The following PCCA variants were observed in gnomAD, a reference collection of about 807,000 sequenced individuals.
The protein encoded by PCCA is propionyl-CoA carboxylase subunit alpha.
Under a neutral mutation model 101.3 loss-of-function variants are expected in PCCA, and 74 were observed. The observed-to-expected ratio is 0.73, with a 90% CI of 0.61 to 0.89. The LOEUF (loss-of-function observed/expected upper bound fraction) is 0.89, where lower values mean the gene tolerates loss of function less well. Ranked by LOEUF, PCCA falls within the 40% of genes least tolerant of loss-of-function variation. The pLI is 0.00. For missense variants in PCCA, 891 were observed against 907.0 expected, an observed-to-expected ratio of 0.98 and a Z score of 0.23; for synonymous variants, 294 against 313.6, an observed-to-expected ratio of 0.94 and a Z score of 0.66.
chr13:100,524,612 C>A (rs918354931), intron 22 of PCCA, among the ~76,000 whole-genome samples: 1 of 152,184 alleles, frequency 6.6e-6, no homozygotes, highest in Non-Finnish European at 1.5e-5. Context: ...TGGCACACAT[C>A]TGTAACCCCA....
chr13:100,329,594 A>G (rs1325040276), intron 16 of PCCA, among the ~76,000 whole-genome samples: 1 of 152,216 alleles, frequency 6.6e-6, no homozygotes, highest in Admixed American at 6.5e-5. Context: ...TGGGTGCCTC[A>G]TGAGCTGACT....
chr13:100,277,721 G>T (rs1381662278), intron 12 of PCCA, among the ~76,000 whole-genome samples: 1 of 152,156 alleles, frequency 6.6e-6, no homozygotes, highest in African/African-American at 2.4e-5. Flanking sequence ...AGCTGTAAGG[G>T]AGTCTGGGAA....
At position 100,268,237 on chromosome 13, in the gene PCCA, T is replaced by C. The variant is rs536656837; in HGVS notation, c.820-452T>C. Among the ~76,000 whole-genome samples, 6 of 152,294 alleles carry C rather than the reference T, an allele frequency of 3.9e-5. No homozygotes were observed. The South Asian group carries it at 1.2e-3, about 32-fold the overall frequency. ...AAACCACAGTACAGACATCCATAGA[T>C]AGATAACAGATTACATATTGGGTGG... is the stretch of plus-strand genomic sequence containing the variant. On this transcript the variant is annotated intron_variant, in intron 10 of 23. Transcript: ENST00000376285.
At chr13:100,346,920 C>T (rs1289559055) in intron 18 of PCCA, among the ~76,000 whole-genome samples, 2 of 151,996 alleles carry the variant, frequency 1.3e-5, no homozygotes, top group Non-Finnish European at 2.9e-5. Context: ...GTCGCCCAGG[C>T]TGGAGGGCAG....
intron 7 of PCCA, among the ~76,000 whole-genome samples, chr13:100,213,676 T>C (rs991058623): frequency 6.6e-5 from 10 of 152,178 alleles, no homozygotes; most frequent in Admixed American, 2.0e-4. Context: ...TTGCTCCCAT[T>C]CCATGAGTTG....
chr13:100,089,574 TCC>T (rs2046089312), intron 1 of PCCA, among the ~76,000 whole-genome samples: 2 of 152,256 alleles, frequency 1.3e-5, no homozygotes, highest in Non-Finnish European at 2.9e-5. Flanking sequence ...TCTTAAGCTT[TCC>T]AGGGTGTCTT....
intron 8 of PCCA, among the ~76,000 whole-genome samples, chr13:100,245,723 T>C (rs938774596): frequency 2.0e-5 from 3 of 152,198 alleles, no homozygotes; most frequent in African/African-American, 7.2e-5. Flanking sequence ...GTCACCACCA[T>C]CTCCTAAATA....
intron 7 of PCCA, among the ~76,000 whole-genome samples, chr13:100,213,391 C>T (rs563356443): frequency 6.6e-6 from 1 of 152,274 alleles, no homozygotes; most frequent in African/African-American, 2.4e-5. Context: ...TATATCCTCG[C>T]CAGCATTTGT....
At chr13:100,430,612 T>G (rs2079481428) in intron 20 of PCCA, among the ~76,000 whole-genome samples, 1 of 152,222 alleles carries the variant, frequency 6.6e-6, no homozygotes, top group South Asian at 2.1e-4. Context: ...TACCACCAAT[T>G]ACTTATTCTC....
At chr13:100,188,452 C>T (rs1350457046) in intron 6 of PCCA, among the ~76,000 whole-genome samples, 5 of 151,696 alleles carry the variant, frequency 3.3e-5, no homozygotes, top group East Asian at 3.9e-4. Context: ...TTTATCTACT[C>T]GTCAATTGAT....
rs544510044 is a variant in PCCA, at chr13:100,517,319, G to C, written c.2040+1752G>C. On this transcript the variant is annotated intron_variant, in intron 22 of 23. Transcript: ENST00000376285. ...CAGCCTTCTGGTTTCTTTAACAGCTGCTGGCTCCTGATCTGACTTTCCCAC... is the reference window on the plus strand; with the variant it reads ...CAGCCTTCTGGTTTCTTTAACAGCTCCTGGCTCCTGATCTGACTTTCCCAC... Among the ~76,000 whole-genome samples the C allele has an allele frequency of 4.6e-5, 7 of 152,286 alleles. No homozygotes were observed. In the East Asian group the frequency reaches 1.4e-3, roughly 29 times the overall value.
intron 2 of PCCA, among the ~76,000 whole-genome samples, chr13:100,108,768 A>C (rs577203402): frequency 6.6e-6 from 1 of 152,336 alleles, no homozygotes; most frequent in East Asian, 1.9e-4. Flanking sequence ...ATTTGTATGC[A>C]TATTCTTTTA....
In PCCA at chr13:100,266,414, A is replaced by G. The variant is rs141916804; in HGVS notation, c.820-2275A>G. On this transcript the variant is annotated intron_variant, in intron 10 of 23. Transcript: ENST00000376285. ...TAAGTGAAAATGCCTCCCAGTTAAT[A>G]GGCCACACAGATGTTCTCATATCTC... 5.3e-5 allele frequency among the ~76,000 whole-genome samples: 8 copies of G among 152,324 alleles called. 1 individual carries two copies. Among genetic ancestry groups the G allele is most frequent in the African/African-American group, 1.7e-4 (7 of 41,568 alleles).
intron 4 of PCCA, chr13:100,149,632 C>A (rs2053049881): frequency 6.6e-6 from 1 of 152,198 alleles, no homozygotes; most frequent in African/African-American, 2.4e-5. Flanking sequence ...CGTATTACAT[C>A]ATCCTTGGAG....
At chr13:100,515,096 A>G (rs938502289) in intron 21 of PCCA, among the ~76,000 whole-genome samples, 1 of 152,092 alleles carries the variant, frequency 6.6e-6, no homozygotes, top group African/African-American at 2.4e-5. Context: ...CTTGATAGGG[A>G]TAAGTTTGTA....
At chr13:100,504,677 C>T in intron 21 of PCCA, among the ~76,000 whole-genome samples, 1 of 152,190 alleles carries the variant, frequency 6.6e-6, no homozygotes. Flanking sequence ...TGGCTCACAC[C>T]TGTAATCCCA....
intron 19 of PCCA, among the ~76,000 whole-genome samples, chr13:100,395,418 A>G (rs975413734): frequency 6.6e-6 from 1 of 152,260 alleles, no homozygotes; most frequent in Admixed American, 6.5e-5. Flanking sequence ...GAGATTAAAA[A>G]TAATCAACAA....
intron 6 of PCCA, among the ~76,000 whole-genome samples, chr13:100,178,409 A>G (rs2056438351): frequency 6.6e-6 from 1 of 152,216 alleles, no homozygotes; most frequent in Non-Finnish European, 1.5e-5. Flanking sequence ...TTGATGCCTG[A>G]TAACTTCAGG....
chr13:100,252,930 C>G (rs914963511), intron 8 of PCCA, among the ~76,000 whole-genome samples: 2 of 152,194 alleles, frequency 1.3e-5, no homozygotes, highest in African/African-American at 4.8e-5. Context: ...AGGTACTTCC[C>G]TTTCCTGTAT....
Sources: allele counts gnomAD v4.1 joint callset (sites outside exome capture counted in the v4.1 genomes callset), GRCh38; gene constraint gnomAD v4.1.1; transcripts MANE v1.5; gene names NCBI Gene and HGNC (gene_info 2026-07-23, HGNC 2026-07-21).